Variants in FOXK2 observed in about 807,000 individuals in gnomAD.
FOXK2 encodes the protein forkhead box K2, also known as forkhead box protein K2.
Under a neutral mutation model 53.3 loss-of-function variants are expected in FOXK2, and 24 were observed. That is an observed-to-expected ratio of 0.45 (90% confidence interval 0.33 to 0.63). The LOEUF is 0.63. Ranked by LOEUF, FOXK2 falls within the 30% of genes least tolerant of loss-of-function variation. FOXK2 has a pLI of 0.03. For synonymous variants in FOXK2, 505 were observed against 407.1 expected (o/e 1.24, Z -2.89); for missense variants, 952 against 910.5 (o/e 1.05, Z -0.59).
rs1180182884 is a variant in FOXK2, at chr17:82,587,437, G to A, written c.1786+165G>A. On this transcript the variant is annotated intron_variant, in intron 8 of 8. Transcript: ENST00000335255. ...CTAGTCATGCTGGGGAAGTGGTCGT[G>A]GAGTCGGCCGTCATGGGATTCCCGT... 4 of 647,410 alleles carry A rather than the reference G, an allele frequency of 6.2e-6. 1 individual carries two copies. Among genetic ancestry groups the A allele is most frequent in the South Asian group, 5.4e-5 (3 of 55,874 alleles). 40.1% of individuals were successfully genotyped at this position (647,410 alleles called of 1,614,324 possible).
At chr17:82,590,215 G>A (rs896812611) in intron 8 of FOXK2, among the ~76,000 whole-genome samples, 12 of 152,186 alleles carry the variant, frequency 7.9e-5, no homozygotes, top group Non-Finnish European at 1.5e-4. Context: ...ACCAAGAGGA[G>A]ATTCTGGAAA....
intron 1 of FOXK2, chr17:82,559,324 C>A: frequency 2.2e-6 from 1 of 452,020 alleles, no homozygotes; most frequent in Non-Finnish European, 4.5e-6. Flanking sequence ...TACTGGCTGG[C>A]GACCGTGCGG....
intron 1 of FOXK2, among the ~76,000 whole-genome samples, chr17:82,557,123 C>T (rs1418212957): frequency 6.6e-6 from 1 of 151,514 alleles, no homozygotes. Flanking sequence ...ACCTCCACCT[C>T]CCAGGCTCAA....
chr17:82,538,909 A>G (rs768521079), intron 1 of FOXK2, among the ~76,000 whole-genome samples: 1 of 152,196 alleles, frequency 6.6e-6, no homozygotes, highest in Non-Finnish European at 1.5e-5. Context: ...TTAGAAGAGT[A>G]TTGATGAAGA....
intron 8 of FOXK2, among the ~76,000 whole-genome samples, chr17:82,589,744 G>A (rs1381235450): frequency 6.6e-6 from 1 of 152,226 alleles, no homozygotes; most frequent in Non-Finnish European, 1.5e-5. Context: ...AGATGAACGT[G>A]AAAGTCTGTC....
At chr17:82,576,931 C>T (rs908945812) in intron 4 of FOXK2, 4 of 395,918 alleles carry the variant, frequency 1.0e-5, no homozygotes, top group East Asian at 5.3e-5. Flanking sequence ...AGGCTGTGGC[C>T]GGCAGATCAC....
At chr17:82,583,800 T>A (rs2045097178) in intron 5 of FOXK2, among the ~76,000 whole-genome samples, 1 of 152,228 alleles carries the variant, frequency 6.6e-6, no homozygotes, top group Non-Finnish European at 1.5e-5. Context: ...TGAGGGCCCG[T>A]GACGGCCCTG....
At position 82,603,425 on chromosome 17, in the gene FOXK2, CTGAT is replaced by C. The variant is rs1225116065; in HGVS notation, c.*1931_*1934del. 6.6e-6 allele frequency: 1 copy of C among 152,246 alleles called. No individual in the cohort carries two copies. Among genetic ancestry groups the C allele is most frequent in the Non-Finnish European group, 1.5e-5 (1 of 68,048 alleles). 9.4% of individuals were successfully genotyped at this position (152,246 alleles called of 1,614,324 possible). ...TGTTGGTCACAGCTGATGGGGTTCT[CTGAT>C]TGATAGGAGACGAGCTCTTGAGCTC... On this transcript the variant is annotated 3_prime_UTR_variant, in exon 9 of 9. Coordinates refer to ENST00000335255, the MANE Select transcript of FOXK2 (RefSeq NM_004514.4).
chr17:82,550,799 C>G (rs1188244305), intron 1 of FOXK2, among the ~76,000 whole-genome samples: 1 of 152,154 alleles, frequency 6.6e-6, no homozygotes, highest in East Asian at 1.9e-4. Context: ...GCCACGGCGC[C>G]GGCCCTGAGG....
intron 1 of FOXK2, among the ~76,000 whole-genome samples, chr17:82,532,522 A>AT (rs143535500): frequency 3.3e-5 from 5 of 151,864 alleles, no homozygotes; most frequent in South Asian, 2.1e-4. Flanking sequence ...ACATACTATA[A>AT]TTTTTTTTTA....
chr17:82,552,556 A>G (rs565252718), intron 1 of FOXK2, among the ~76,000 whole-genome samples: 2 of 152,210 alleles, frequency 1.3e-5, no homozygotes, highest in East Asian at 3.9e-4. Context: ...GTCTTCTGTG[A>G]CATTGATATT....
At chr17:82,540,071 G>A (rs527714884) in intron 1 of FOXK2, among the ~76,000 whole-genome samples, 43 of 151,776 alleles carry the variant, frequency 2.8e-4, no homozygotes, top group African/African-American at 9.9e-4. Flanking sequence ...ACCTGAGGTC[G>A]GGAGTTCAAG....
At position 82,582,922 on chromosome 17, in the gene FOXK2, C is replaced by T. The variant is rs1452153422; in HGVS notation, c.1091C>T (p.Pro364Leu). Reference sequence around the variant, plus strand: ...CCCTGCTTTAGAACCCCTCTGGGACCGCTCTCTTCTAGGTAAGGAAAAAGA... The same window carrying T: ...CCCTGCTTTAGAACCCCTCTGGGACTGCTCTCTTCTAGGTAAGGAAAAAGA... ...GVPCFRTPLG[P>L]LSSRSAPASP... is the part of the protein sequence containing the mutation. Residue 364 changes from proline to leucine, a missense_variant, in exon 5 of 9, where the codon CCG (proline) becomes CTG (leucine). Transcript: ENST00000335255. 21 of 1,587,096 alleles carry T rather than the reference C, an allele frequency of 1.3e-5. No homozygotes were observed. Among genetic ancestry groups the T allele is most frequent in the East Asian group, 2.3e-5 (1 of 44,248 alleles).
At chr17:82,551,142 C>T (rs2044673028) in intron 1 of FOXK2, among the ~76,000 whole-genome samples, 1 of 150,452 alleles carries the variant, frequency 6.6e-6, no homozygotes, top group Admixed American at 6.7e-5. Flanking sequence ...ACGGTGAAAC[C>T]CCGTCTCTAC....
rs2045189670 is a variant in FOXK2, at chr17:82,587,108, C to G, written c.1622C>G (p.Thr541Ser). Residue 541 changes from threonine to serine, a missense_variant, in exon 8 of 9, where the codon ACT becomes AGT. Thr to Ser is a moderately conservative substitution (Grantham distance 58, BLOSUM62 1). Transcript: ENST00000335255. ...GCCATTGGCCACGCCACGCTCGGCA[C>G]TGCCAGCCGGATCATTCAGACGGCA... ...IPAIGHATLG[T>S]ASRIIQTAQT... The G allele has an allele frequency of 9.9e-6, 16 of 1,612,966 alleles. No individual in the cohort carries two copies. Among genetic ancestry groups the G allele is most frequent in the Non-Finnish European group, 1.4e-5 (16 of 1,180,038 alleles).
In FOXK2 at chr17:82,551,223, AG is replaced by A. The variant is rs1458603977; in HGVS notation, c.420-12129del. ...TCCTAGCTACTCGGGAGGCTGAGGC[AG>A]GAGAATGGCGTGAACCTGGGAGGCG... On this transcript the variant is annotated intron_variant, in intron 1 of 8. Transcript: ENST00000335255. Among the ~76,000 whole-genome samples, 4 of 152,140 alleles carry A rather than the reference AG, an allele frequency of 2.6e-5. No individual in the cohort carries two copies. The East Asian group carries it at 7.7e-4, about 29-fold the overall frequency.
intron 1 of FOXK2, among the ~76,000 whole-genome samples, chr17:82,535,404 A>G (rs2044510611): frequency 6.6e-6 from 1 of 151,968 alleles, no homozygotes; most frequent in Admixed American, 6.6e-5. Flanking sequence ...TTTGGCCATT[A>G]TTTTTTCAGA....
Position 82,602,874 on chromosome 17 carries a change from C to G in FOXK2, c.*1375C>G, listed in dbSNP as rs1355656888. 18 of 152,332 alleles carry G rather than the reference C, an allele frequency of 1.2e-4. No individual in the cohort carries two copies. The highest frequency in any genetic ancestry group is 1.2e-3 in the Admixed American group (18 of 15,282). 9.4% of individuals were successfully genotyped at this position (152,332 alleles called of 1,614,324 possible). A position where few individuals can be genotyped will look rare whatever the true frequency, so the allele number is the denominator to read the frequency against. ...TGATGGCTGAGCTTTTAAATGTCAT[C>G]ATCATAACATTATTTATTTAAATGT... On this transcript the variant is annotated 3_prime_UTR_variant, in exon 9 of 9. Transcript: ENST00000335255.
intron 2 of FOXK2, among the ~76,000 whole-genome samples, chr17:82,566,956 C>G (rs985985264): frequency 1.3e-5 from 2 of 152,216 alleles, no homozygotes; most frequent in Non-Finnish European, 2.9e-5. Context: ...ATTGTAGATG[C>G]TTTTTCTCCA....
Sources: gnomAD v4.1 joint callset for allele counts (sites outside exome capture counted in the v4.1 genomes callset) on GRCh38, gnomAD v4.1.1 for gene constraint, MANE v1.5 for transcripts, NCBI Gene and HGNC (gene_info 2026-07-23, HGNC 2026-07-21) for gene names.